Variants in TOMM70 observed in about 807,000 individuals in gnomAD.
The protein encoded by TOMM70 is translocase of outer mitochondrial membrane 70, also known as mitochondrial import receptor subunit TOM70.
Under a neutral mutation model 73.6 loss-of-function variants are expected in TOMM70, and 13 were observed. The ratio of observed to expected loss-of-function variants is 0.18; its 90% CI spans 0.11 to 0.28. TOMM70 has a LOEUF of 0.28. Ranked by LOEUF, TOMM70 falls within the 10% of genes least tolerant of loss-of-function variation. TOMM70 has a pLI of 1.00. For synonymous variants in TOMM70, 257 were observed against 271.2 expected (o/e 0.95, Z 0.51); for missense variants, 609 against 747.5 (o/e 0.81, Z 2.16).
chr3:100,391,307 C>A (rs1706758869), intron 1 of TOMM70, among the ~76,000 whole-genome samples: 2 of 152,016 alleles, frequency 1.3e-5, no homozygotes, highest in Non-Finnish European at 2.9e-5. Context: ...AGCCTCAAGG[C>A]AGGTCTTGAA....
chr3:100,393,508 T>C (rs1412701483), intron 1 of TOMM70, among the ~76,000 whole-genome samples: 1 of 152,120 alleles, frequency 6.6e-6, no homozygotes. Flanking sequence ...CAATGTACAC[T>C]TGGGTGATGA....
At chr3:100,376,851 GAACA>G (rs1198309636) in intron 6 of TOMM70, among the ~76,000 whole-genome samples, 1 of 151,798 alleles carries the variant, frequency 6.6e-6, no homozygotes, top group Non-Finnish European at 1.5e-5. Flanking sequence ...CATACATATA[GAACA>G]AATAATAACA....
intron 9 of TOMM70, among the ~76,000 whole-genome samples, chr3:100,371,352 C>T (rs533854444): frequency 4.7e-4 from 70 of 149,986 alleles, no homozygotes; most frequent in African/African-American, 1.6e-3. Context: ...GCAACCTCCG[C>T]CTCCTGGGTT....
rs1706441572 is a variant in TOMM70, at chr3:100,365,687, G to C, written c.1704C>G (p.Phe568Leu). ...RGNMEKAIDMFNKAINLAKSE... is the reference protein window; with the variant it reads ...RGNMEKAIDMLNKAINLAKSE... ...ATTTGGCCAGGTTAATAGCTTTGTT[G>C]AACATGTCAATGGCTTTCTCCATGT... Residue 568 changes from phenylalanine (F) to leucine (L), a missense_variant, in exon 12 of 12, where the codon TTC becomes TTG. Phe to Leu is a conservative substitution (Grantham distance 22, BLOSUM62 0). This residue lies in a region of TOMM70 where 432 missense variants were observed against 584.1 expected (regional missense o/e 0.74). Coordinates refer to ENST00000284320, the MANE Select transcript of TOMM70 (RefSeq NM_014820.5). 6.2e-7 allele frequency: 1 copy of C among 1,614,138 alleles called. No individual in the cohort carries two copies. Among genetic ancestry groups the C allele is most frequent in the Non-Finnish European group, 8.5e-7 (1 of 1,179,998 alleles).
intron 1 of TOMM70, among the ~76,000 whole-genome samples, chr3:100,389,064 G>A (rs982157413): frequency 1.1e-4 from 16 of 151,940 alleles, no homozygotes; most frequent in African/African-American, 2.4e-4. Flanking sequence ...AGAAATTCTC[G>A]GAGTTGAAGA....
At chr3:100,377,973 G>A (rs916096767) in intron 5 of TOMM70, 61 bp from the exon 6 acceptor site, 109 of 1,477,984 alleles carry the variant, frequency 7.4e-5, no homozygotes, top group Non-Finnish European at 9.3e-5. Flanking sequence ...GTGGCTGGGT[G>A]TGGTGGCTCA....
intron 4 of TOMM70, among the ~76,000 whole-genome samples, chr3:100,382,538 T>G (rs1295427486): frequency 6.6e-6 from 1 of 152,172 alleles, no homozygotes; most frequent in African/African-American, 2.4e-5. Flanking sequence ...ATATTTTAAG[T>G]CAAATGGTCA....
chr3:100,386,181 A>G (rs1706689930), intron 3 of TOMM70, 37 bp downstream of exon 3: 2 of 1,588,690 alleles, frequency 1.3e-6, no homozygotes, highest in African/African-American at 2.7e-5. Context: ...ACAAAATATT[A>G]AGTAATTTTC....
At chr3:100,374,886 C>A in intron 7 of TOMM70, 132 bp downstream of exon 7, 1 of 1,027,702 alleles carries the variant, frequency 9.7e-7, no homozygotes, top group Non-Finnish European at 1.3e-6. Context: ...AAACTGTAAA[C>A]CACTGTGATA....
chr3:100,391,028 C>G lies in TOMM70; in HGVS notation c.325-4050G>C, dbSNP rs185826249. Among the ~76,000 whole-genome samples, 1,205 of 152,056 alleles carry G rather than the reference C, an allele frequency of 7.9e-3. 18 individuals carry two copies. The highest frequency in any genetic ancestry group is 0.028 in the African/African-American group (1,152 of 41,464). ...TGGTGGTGGGCGCCTGTAGTCCCAG[C>G]TACTCAGGAGGCTGAGGCAGGAGAA... On this transcript the variant is annotated intron_variant, in intron 1 of 11. Transcript: ENST00000284320.
intron 1 of TOMM70, among the ~76,000 whole-genome samples, chr3:100,393,421 C>G (rs566856873): frequency 6.6e-6 from 1 of 151,998 alleles, no homozygotes; most frequent in African/African-American, 2.4e-5. Flanking sequence ...TACAGAGTGA[C>G]ATAACGGACT....
At chr3:100,367,606 A>C (rs908282621) in intron 11 of TOMM70, among the ~76,000 whole-genome samples, 1 of 152,242 alleles carries the variant, frequency 6.6e-6, no homozygotes, top group African/African-American at 2.4e-5. Flanking sequence ...GGCCTAAAGT[A>C]GGAAACTCAA....
chr3:100,393,756 T>C (rs1175456474), intron 1 of TOMM70, among the ~76,000 whole-genome samples: 4 of 152,024 alleles, frequency 2.6e-5, no homozygotes, highest in Non-Finnish European at 5.9e-5. Flanking sequence ...TAAGGTACAA[T>C]CCAGGTAAAT....
chr3:100,380,398 A>G (rs1706620230), intron 5 of TOMM70, among the ~76,000 whole-genome samples: 1 of 152,172 alleles, frequency 6.6e-6, no homozygotes, highest in African/African-American at 2.4e-5. Flanking sequence ...GATTAGAAGT[A>G]ATCCCACTTA....
intron 5 of TOMM70, among the ~76,000 whole-genome samples, chr3:100,381,078 A>G (rs931985346): frequency 4.7e-4 from 72 of 152,336 alleles, no homozygotes; most frequent in African/African-American, 1.7e-3. Context: ...ACGACATTAT[A>G]TCATTAGGTC....
intron 8 of TOMM70, 79 bp downstream of exon 8, chr3:100,373,459 G>A (rs1445876565): frequency 3.4e-6 from 4 of 1,159,560 alleles, no homozygotes; most frequent in Non-Finnish European, 4.9e-6. Flanking sequence ...CGACTTTGTA[G>A]ACAATGAGAT....
intron 9 of TOMM70, among the ~76,000 whole-genome samples, chr3:100,370,641 GTA>G (rs531376038): frequency 2.0e-5 from 3 of 151,872 alleles, no homozygotes; most frequent in South Asian, 4.2e-4. Context: ...GTTACACTAA[GTA>G]TATATATATA....
intron 10 of TOMM70, 50 bp from the exon 11 acceptor site, chr3:100,368,216 G>A: frequency 6.4e-7 from 1 of 1,572,930 alleles, no homozygotes. Context: ...GTATCAGTAG[G>A]AATACACACA....
intron 6 of TOMM70, 88 bp downstream of exon 6, chr3:100,377,617 G>A: frequency 7.5e-7 from 1 of 1,332,560 alleles, no homozygotes; most frequent in South Asian, 1.3e-5. Flanking sequence ...AAGAATGGCA[G>A]TTGAAATGCT....
Sources: gnomAD v4.1 joint callset for allele counts (sites outside exome capture counted in the v4.1 genomes callset) on GRCh38, gnomAD v4.1.1 for gene constraint, gnomAD v4.1.1 regional missense constraint, MANE v1.5 for transcripts, NCBI Gene and HGNC (gene_info 2026-07-23, HGNC 2026-07-21) for gene names.